Variants in FEZ2 observed in about 807,000 individuals in gnomAD.
The protein encoded by FEZ2 is fasciculation and elongation protein zeta-2.
FEZ2 carries 51 observed loss-of-function variants against 40.4 expected under a neutral mutation model. The ratio of observed to expected loss-of-function variants is 1.26; its 90% confidence interval spans 1.01 to 1.59. The LOEUF is 1.59. Among genes scored for constraint, FEZ2 ranks in the 40% most tolerant of loss-of-function variants. The pLI is 0.00. For synonymous variants in FEZ2, 242 were observed against 172.0 expected, an observed-to-expected ratio of 1.41 and a Z score of -3.18; for missense variants, 640 against 438.3, an observed-to-expected ratio of 1.46 and a Z score of -4.11.
At position 36,561,163 on chromosome 2, in the gene FEZ2, T is replaced by C. The variant is rs552064267; in HGVS notation, c.904-2650A>G. ...GTAAGTTGTACACATATTTGTTCTA[T>C]ACAAAATTTACTGTGTAATTTTTAA... On this transcript the variant is annotated intron_variant, in intron 5 of 7. Coordinates refer to ENST00000405912, the MANE Select transcript of FEZ2 (RefSeq NM_005102.3). 3.9e-5 allele frequency among the ~76,000 whole-genome samples: 6 copies of C among 152,386 alleles called. No individual in the cohort carries two copies. In the South Asian group the frequency reaches 1.0e-3, roughly 26 times the overall value.
intron 2 of FEZ2, chr2:36,589,885 A>C (rs759319774): frequency 6.6e-6 from 1 of 152,242 alleles, no homozygotes; most frequent in Non-Finnish European, 1.5e-5. Context: ...ACATAATTAC[A>C]CTTAATGAAA....
chr2:36,583,496 AAGC>A (rs1448276480), intron 2 of FEZ2, 27 bp from the exon 3 acceptor site: 3 of 1,150,922 alleles, frequency 2.6e-6, no homozygotes. Flanking sequence ...CCATCATTAA[AAGC>A]AGGACATCCT....
intron 7 of FEZ2, chr2:36,554,238 T>C (rs1164413805): frequency 4.2e-6 from 2 of 471,136 alleles, no homozygotes; most frequent in South Asian, 1.5e-5. Flanking sequence ...AGGCATGCGG[T>C]ATAGGTAGGT....
At chr2:36,585,228 C>T (rs747524227) in intron 2 of FEZ2, among the ~76,000 whole-genome samples, 1 of 152,100 alleles carries the variant, frequency 6.6e-6, no homozygotes, top group Non-Finnish European at 1.5e-5. Flanking sequence ...TCCTAGAATC[C>T]TATATCCAGC....
At chr2:36,570,408 AT>A (rs1668375172) in intron 5 of FEZ2, among the ~76,000 whole-genome samples, 1 of 152,150 alleles carries the variant, frequency 6.6e-6, no homozygotes, top group Non-Finnish European at 1.5e-5. Context: ...TCTTTTTAAA[AT>A]TTTTTATGTA....
intron 2 of FEZ2, among the ~76,000 whole-genome samples, chr2:36,586,413 T>A (rs879617382): frequency 3.9e-4 from 60 of 152,200 alleles, no homozygotes; most frequent in Non-Finnish European, 7.4e-4. Context: ...GGCGGGTGGA[T>A]TGCTTGAGCT....
intron 5 of FEZ2, among the ~76,000 whole-genome samples, chr2:36,564,337 C>G (rs1219888524): frequency 1.3e-5 from 2 of 152,142 alleles, no homozygotes; most frequent in East Asian, 1.9e-4. Flanking sequence ...CACCAAAACA[C>G]AAACAAAAAA....
intron 3 of FEZ2, among the ~76,000 whole-genome samples, chr2:36,581,889 A>G (rs1183529024): frequency 6.6e-6 from 1 of 152,206 alleles, no homozygotes; most frequent in Admixed American, 6.5e-5. Flanking sequence ...ATAGCACAAA[A>G]AAAGTATATA....
intron 2 of FEZ2, among the ~76,000 whole-genome samples, chr2:36,588,507 G>A (rs1338793127): frequency 6.6e-6 from 1 of 152,094 alleles, no homozygotes; most frequent in Non-Finnish European, 1.5e-5. Context: ...GGTATCCAAG[G>A]GAAATTTGTT....
Position 36,552,391 on chromosome 2 carries a change from A to T in FEZ2, c.*772T>A. 2.7e-6 allele frequency: 1 copy of T among 368,364 alleles called. No individual in the cohort carries two copies. The highest frequency in any genetic ancestry group is 7.2e-5 in the East Asian group (1 of 13,940). The allele number at this position is 368,364 out of a possible 1,614,324, so 22.8% of individuals were successfully genotyped here. A position where few individuals can be genotyped will look rare whatever the true frequency, so the allele number is the denominator to read the frequency against. On this transcript the variant is annotated 3_prime_UTR_variant, in exon 8 of 8. Transcript: ENST00000405912. ...AAGAAAAACACACAGGCATGAATAA[A>T]ATAGGACACAGTAATGAGAATGGGC... is the stretch of plus-strand genomic sequence containing the variant.
intron 2 of FEZ2, among the ~76,000 whole-genome samples, chr2:36,588,850 C>T (rs17019149): frequency 0.062 from 9,384 of 151,374 alleles, 952 homozygotes; most frequent in East Asian, 0.44. Flanking sequence ...ATGGTGGGCC[C>T]GCTGTACATT....
Position 36,553,173 on chromosome 2 carries a change from C to G in FEZ2, c.1052G>C (p.Cys351Ser). 1 of 1,562,416 alleles carries G rather than the reference C, an allele frequency of 6.4e-7. No individual in the cohort carries two copies. Among genetic ancestry groups the G allele is most frequent in the African/African-American group, 1.4e-5 (1 of 73,740 alleles). Residue 351 changes from cysteine (C) to serine (S), a missense_variant, in exon 8 of 8, where the codon TGT (cysteine) becomes TCT (serine). Physicochemically the swap from Cys to Ser is moderately radical, Grantham distance 112 (BLOSUM62 -1). Transcript: ENST00000405912. ...LLTDYILKVL[C>S]PT is the part of the protein sequence containing the mutation. ...GATAAAGTTGCTGCTCTATGTAGGA[C>G]ACAGAACTAGAAGAAAAAGAGAACT...
intron 4 of FEZ2, 32 bp downstream of exon 4, chr2:36,581,258 C>G (rs1294365900): frequency 5.0e-6 from 8 of 1,602,746 alleles, no homozygotes; most frequent in Non-Finnish European, 6.8e-6. Context: ...ACAAAAAGCA[C>G]AGAAATCATT....
intron 2 of FEZ2, among the ~76,000 whole-genome samples, chr2:36,585,675 T>A (rs182393867): frequency 3.3e-5 from 5 of 152,002 alleles, no homozygotes; most frequent in African/African-American, 9.7e-5. Flanking sequence ...AAAGAGAAAA[T>A]GTAAACATAA....
chr2:36,558,551 G>T, intron 5 of FEZ2, 38 bp from the exon 6 acceptor site: 2 of 1,289,514 alleles, frequency 1.6e-6, no homozygotes, highest in South Asian at 1.5e-5. Context: ...ACTTAAATCG[G>T]AATTACCTTA....
At chr2:36,587,220 GA>G (rs1668927054) in intron 2 of FEZ2, among the ~76,000 whole-genome samples, 1 of 152,148 alleles carries the variant, frequency 6.6e-6, no homozygotes, top group Middle Eastern at 3.2e-3. Context: ...CATGACAACA[GA>G]AATGATCCCA....
At chr2:36,590,704 G>T in intron 2 of FEZ2, 199 bp downstream of exon 2, 1 of 505,038 alleles carries the variant, frequency 2.0e-6, no homozygotes. Flanking sequence ...AAAAATGAGT[G>T]TGCTGGAGAA....
chr2:36,579,862 AC>A (rs36087443), intron 4 of FEZ2, among the ~76,000 whole-genome samples: 4 of 152,182 alleles, frequency 2.6e-5, no homozygotes, highest in African/African-American at 4.8e-5. Context: ...TAAAGTCCCA[AC>A]CCACAGGGCC....
In FEZ2 at chr2:36,598,009, T is replaced by C. The variant is rs1323450944; in HGVS notation, c.134A>G (p.Asp45Gly). The change falls in exon 1 of 8, where the codon GAC (aspartate) becomes GGC (glycine). Residue 45 changes from aspartate to glycine, a missense_variant. By Grantham distance (94) the Asp-to-Gly change is moderately conservative. Coordinates refer to ENST00000405912, the MANE Select transcript of FEZ2 (RefSeq NM_005102.3). The part of the protein sequence containing the change: ...EAGAEAGGGA[D>G]GFPAPACSLE... ...GCTGCAGGCCGGGGCCGGGAAACCGTCGGCGCCCCCACCCGCCTCGGCCCC... is the reference window on the plus strand; with the variant it reads ...GCTGCAGGCCGGGGCCGGGAAACCGCCGGCGCCCCCACCCGCCTCGGCCCC... 4 of 1,495,340 alleles carry C rather than the reference T, an allele frequency of 2.7e-6. No individual in the cohort carries two copies. Among genetic ancestry groups the C allele is most frequent in the Non-Finnish European group, 3.5e-6 (4 of 1,128,038 alleles). 92.6% of individuals were successfully genotyped at this position (1,495,340 alleles called of 1,614,324 possible). A position where few individuals can be genotyped will look rare whatever the true frequency, so the allele number is the denominator to read the frequency against.
Sources: gnomAD v4.1 joint callset for allele counts (sites outside exome capture counted in the v4.1 genomes callset) on GRCh38, gnomAD v4.1.1 for gene constraint, MANE v1.5 for transcripts, NCBI Gene and HGNC (gene_info 2026-07-23, HGNC 2026-07-21) for gene names.